Variants in VPS13D observed in about 807,000 individuals in gnomAD.
VPS13D encodes the protein intermembrane lipid transfer protein VPS13D.
Under a neutral mutation model 461.9 loss-of-function variants are expected in VPS13D, and 187 were observed. The observed-to-expected ratio is 0.40, with a 90% CI of 0.36 to 0.46. The LOEUF is 0.46. VPS13D is among the 20% of genes least tolerant of loss of function. The pLI is 0.60. For synonymous variants in VPS13D, 1,951 were observed against 1,986.3 expected (o/e 0.98, Z 0.47); for missense variants, 4,711 against 5,364.9 (o/e 0.88, Z 3.81).
chr1:12,274,350 A>AT (rs1323677485), intron 18 of VPS13D, among the ~76,000 whole-genome samples: 1 of 151,996 alleles, frequency 6.6e-6, no homozygotes, highest in Non-Finnish European at 1.5e-5. Context: ...AATTTTTTGT[A>AT]TTTTTAGTAG....
At chr1:12,322,945 A>G (rs894407872) in intron 34 of VPS13D, among the ~76,000 whole-genome samples, 199 bp downstream of exon 34, 3 of 151,892 alleles carry the variant, frequency 2.0e-5, no homozygotes, top group Non-Finnish European at 4.4e-5. Flanking sequence ...CTACTCCACT[A>G]TTTTTCCTCT....
intron 68 of VPS13D, among the ~76,000 whole-genome samples, chr1:12,503,630 A>G (rs1392371563): frequency 6.6e-6 from 1 of 152,198 alleles, no homozygotes; most frequent in African/African-American, 2.4e-5. Flanking sequence ...GGAAGGATAA[A>G]GCTTATCTGA....
chr1:12,367,495 C>G (rs1644052434), intron 52 of VPS13D, among the ~76,000 whole-genome samples: 1 of 152,090 alleles, frequency 6.6e-6, no homozygotes, highest in South Asian at 2.1e-4. Context: ...TCCCAAAAAC[C>G]TTTCATTCAA....
chr1:12,333,711 A>T (rs942097342), intron 38 of VPS13D, among the ~76,000 whole-genome samples: 7 of 152,242 alleles, frequency 4.6e-5, no homozygotes, highest in Admixed American at 3.9e-4. Context: ...TTCACGGACT[A>T]ATTCTTAAAA....
intron 63 of VPS13D, among the ~76,000 whole-genome samples, chr1:12,413,077 A>G (rs1305308467): frequency 6.6e-6 from 1 of 152,200 alleles, no homozygotes; most frequent in Non-Finnish European, 1.5e-5. Flanking sequence ...CTGAAAAGAG[A>G]CTACGCTGAG....
chr1:12,377,490 G>A (rs955869158), intron 55 of VPS13D, among the ~76,000 whole-genome samples: 1 of 152,076 alleles, frequency 6.6e-6, no homozygotes, highest in East Asian at 1.9e-4. Flanking sequence ...CCCAACTGCT[G>A]TTTCCAAAAT....
At chr1:12,301,787 A>G (rs748083227) in intron 25 of VPS13D, among the ~76,000 whole-genome samples, 4 of 152,194 alleles carry the variant, frequency 2.6e-5, no homozygotes, top group African/African-American at 7.2e-5. Context: ...TTCTAAAGCT[A>G]TTTAAGGGTT....
intron 22 of VPS13D, among the ~76,000 whole-genome samples, 160 bp downstream of exon 22, chr1:12,288,473 G>A (rs1390221502): frequency 6.6e-6 from 1 of 152,142 alleles, no homozygotes; most frequent in Non-Finnish European, 1.5e-5. Context: ...GTTCCCAAAT[G>A]CTGGCTTATG....
chr1:12,369,763 TA>T (rs1644091219), intron 54 of VPS13D, 61 bp downstream of exon 54: 1 of 1,504,028 alleles, frequency 6.6e-7, no homozygotes, highest in South Asian at 1.2e-5. Flanking sequence ...TAACAGGTTT[TA>T]AATGTTAAGC....
intron 65 of VPS13D, among the ~76,000 whole-genome samples, chr1:12,419,029 T>C (rs1344228148): frequency 1.3e-5 from 2 of 152,244 alleles, no homozygotes; most frequent in African/African-American, 4.8e-5. Flanking sequence ...GTTTGTTTCC[T>C]GGTTTTTCTG....
intron 26 of VPS13D, among the ~76,000 whole-genome samples, chr1:12,305,964 T>A (rs1642551567): frequency 6.6e-6 from 1 of 151,968 alleles, no homozygotes; most frequent in African/African-American, 2.4e-5. Context: ...GGGTTTTTAT[T>A]TTTCTATTTT....
At chr1:12,303,952 A>G (rs957955619) in intron 25 of VPS13D, among the ~76,000 whole-genome samples, 1 of 152,196 alleles carries the variant, frequency 6.6e-6, no homozygotes, top group Non-Finnish European at 1.5e-5. Context: ...AGCCCTTCTT[A>G]ATTTGTATGT....
chr1:12,390,678 G>A (rs1644413085), intron 60 of VPS13D, among the ~76,000 whole-genome samples: 1 of 152,198 alleles, frequency 6.6e-6, no homozygotes, highest in Admixed American at 6.5e-5. Context: ...CAGGTAGCTG[G>A]CTGATCACCC....
At chr1:12,457,928 T>C (rs577401191) in intron 66 of VPS13D, among the ~76,000 whole-genome samples, 8 of 152,352 alleles carry the variant, frequency 5.3e-5, no homozygotes, top group African/African-American at 1.9e-4. Flanking sequence ...TGACAGTACA[T>C]TGGACTCTTA....
At chr1:12,314,389 T>C (rs1642837189) in intron 30 of VPS13D, 62 bp downstream of exon 30, 1 of 1,540,064 alleles carries the variant, frequency 6.5e-7, no homozygotes, top group Non-Finnish European at 8.9e-7. Flanking sequence ...GGGTCACGTC[T>C]TTGTTGGCTT....
In VPS13D at chr1:12,308,648, G is replaced by A. The variant is rs879217324; in HGVS notation, c.6650+7G>A. On this transcript the variant is annotated splice_region_variant and intron_variant, in intron 27 of 69. Coordinates refer to ENST00000620676, the MANE Select transcript of VPS13D (RefSeq NM_015378.4). The stretch of plus-strand genomic sequence containing the variant: ...TGGAAAGGAATTTGGACAAGTGAGT[G>A]TTTTTTTTTTTTTTTGAGATGGAGT... 9 of 1,453,984 alleles carry A rather than the reference G, an allele frequency of 6.2e-6. No individual in the cohort carries two copies. Among genetic ancestry groups the A allele is most frequent in the Non-Finnish European group, 3.8e-6 (4 of 1,057,976 alleles). The allele number at this position is 1,453,984 out of a possible 1,614,324, so 90.1% of individuals were successfully genotyped here.
rs766869034 is a variant in VPS13D at position 12,509,052 on chromosome 1, G to A, written c.*28G>A. The A allele has an allele frequency of 2.7e-5, 43 of 1,611,850 alleles. 1 individual carries two copies. In the South Asian group the frequency reaches 3.0e-4, roughly 11 times the overall value. On this transcript the variant is annotated 3_prime_UTR_variant, in exon 70 of 70. Coordinates refer to ENST00000620676, the MANE Select transcript of VPS13D (RefSeq NM_015378.4). ...CCCCGCTGCTGAGATGGGCGCTCCC[G>A]ACACAGCGCAGACCCACCAGGAGGA...
Position 12,279,656 on chromosome 1 carries a change from T to TA in VPS13D, c.4602+6_4602+7insA. The TA allele has an allele frequency of 2.5e-6, 4 of 1,607,264 alleles. No individual in the cohort carries two copies. The highest frequency in any genetic ancestry group is 3.4e-6 in the Non-Finnish European group (4 of 1,175,058). On this transcript the variant is annotated splice_region_variant and intron_variant, in intron 20 of 69. Transcript: ENST00000620676. This position sits in a 1 kb window ranked among gnomAD's most constrained non-coding sequence, Gnocchi z 4.3. ...AATTTGTCAATCCAGTTCAGGTAAA[T>TA]TCATGTCAGGGCAGTTGAAGTCATA...
chr1:12,341,776 G>A lies in VPS13D; in HGVS notation c.8627-4G>A, dbSNP rs1033271909. 2.5e-5 allele frequency: 41 copies of A among 1,613,346 alleles called. No individual in the cohort carries two copies. The highest frequency in any genetic ancestry group is 8.0e-5 in the African/African-American group (6 of 74,858). On this transcript the variant is annotated splice_polypyrimidine_tract_variant and splice_region_variant and intron_variant, in intron 40 of 69. Coordinates refer to ENST00000620676, the MANE Select transcript of VPS13D (RefSeq NM_015378.4). ...TGCTCATAGCCTTCTTCTGTTTGTC[G>A]TAGCAGAGGTGAAAACCCCCAAGCG...
Sources: gnomAD v4.1 joint callset for allele counts (sites outside exome capture counted in the v4.1 genomes callset) on GRCh38, gnomAD v4.1.1 for gene constraint, Gnocchi (gnomAD v3.1) non-coding constraint, MANE v1.5 for transcripts, NCBI Gene and HGNC (gene_info 2026-07-23, HGNC 2026-07-21) for gene names.